ARVCF: variants seen among roughly 807,000 people sequenced by gnomAD.
ARVCF encodes the protein splicing regulator ARVCF.
Under a neutral mutation model 90.9 loss-of-function variants are expected in ARVCF, and 66 were observed. That is an observed-to-expected ratio of 0.73 (90% confidence interval 0.60 to 0.89). ARVCF has a LOEUF of 0.89. Among genes scored for constraint, ARVCF ranks in the 40% least tolerant of loss-of-function variants. The pLI is 0.00. For synonymous variants in ARVCF, 653 were observed against 603.4 expected (o/e 1.08, Z -1.21); for missense variants, 1,469 against 1,382.3 (o/e 1.06, Z -1.00).
chr22:19,983,916 G>A (rs1943631126), intron 3 of ARVCF, among the ~76,000 whole-genome samples: 5 of 152,248 alleles, frequency 3.3e-5, no homozygotes, highest in Admixed American at 3.3e-4. Context: ...CTGGGGAGCT[G>A]GGACTGCTCT....
At chr22:19,968,414 G>A (rs13306277), downstream of ARVCF, 3 of 957,924 alleles carry the variant, frequency 3.1e-6, no homozygotes, top group East Asian at 7.9e-5. Flanking sequence ...GTGGAAACCT[G>A]GCCCCAGGGG....
At position 19,972,724 on chromosome 22, in the gene ARVCF, C is replaced by T; in HGVS notation, c.2641+13G>A. ...GTCGCCACCCTCTAGGCTCCCTAAG[C>T]TCCACCACTCACCAAGGCTCTTGTC... On this transcript the variant is annotated intron_variant, in intron 16 of 19. Transcript: ENST00000263207. The T allele has an allele frequency of 1.2e-6, 2 of 1,601,032 alleles. No homozygotes were observed.
At chr22:20,016,551 C>A (rs954822684) in intron 1 of ARVCF, 38 bp downstream of exon 1, 4 of 151,740 alleles carry the variant, frequency 2.6e-5, no homozygotes, top group African/African-American at 9.7e-5. Flanking sequence ...GAGGCCCCAG[C>A]CCCGGGTCCC....
intron 2 of ARVCF, among the ~76,000 whole-genome samples, chr22:19,996,399 G>A (rs1033876067): frequency 6.6e-6 from 1 of 152,080 alleles, no homozygotes; most frequent in Non-Finnish European, 1.5e-5. Context: ...TGAGCGTTTT[G>A]ATGAAATGAC....
At chr22:19,987,839 A>C (rs1943876508) in intron 3 of ARVCF, among the ~76,000 whole-genome samples, 1 of 152,058 alleles carries the variant, frequency 6.6e-6, no homozygotes, top group Admixed American at 6.5e-5. Flanking sequence ...CCATCGAGGC[A>C]CAGAAGCCCC....
At position 20,008,584 on chromosome 22, in the gene ARVCF, C is replaced by A. The variant is rs570810940; in HGVS notation, c.-19+1871G>T. 2.6e-5 allele frequency among the ~76,000 whole-genome samples: 4 copies of A among 152,316 alleles called. No homozygotes were observed. The South Asian group carries it at 8.3e-4, about 32-fold the overall frequency. ...CAGCATGAGGCTGGGTGAGTGGGTG[C>A]TGAGTGTGGTGACACATGGGTGTTT... On this transcript the variant is annotated intron_variant, in intron 2 of 19. Transcript: ENST00000263207.
chr22:19,987,056 G>T (rs1278883829), intron 3 of ARVCF: 1 of 654,330 alleles, frequency 1.5e-6, no homozygotes. Context: ...GTCCCCCCAA[G>T]CCAACTTCCC....
At chr22:19,975,017 T>C (rs1020401709) in intron 11 of ARVCF, among the ~76,000 whole-genome samples, 2 of 152,136 alleles carry the variant, frequency 1.3e-5, no homozygotes, top group Admixed American at 6.6e-5. Context: ...CCCTCGCCAG[T>C]CCTCATGCCC....
At chr22:19,980,314 C>T (rs548581730) in intron 5 of ARVCF, 72 bp from the exon 6 acceptor site, 72 of 1,469,434 alleles carry the variant, frequency 4.9e-5, no homozygotes, top group Non-Finnish European at 6.3e-5. Context: ...TGCCCCATCA[C>T]ACCTTCTTCA....
chr22:19,977,297 T>C, intron 9 of ARVCF, 118 bp downstream of exon 9: 1 of 1,341,914 alleles, frequency 7.5e-7, no homozygotes, highest in South Asian at 1.9e-5. Flanking sequence ...GCCTGCCTGT[T>C]GGGGGCTGAC....
At chr22:19,978,147 G>A in intron 7 of ARVCF, 72 bp from the exon 8 acceptor site, 2 of 1,419,376 alleles carry the variant, frequency 1.4e-6, no homozygotes, top group South Asian at 1.3e-5. Context: ...GGCCTTGTGG[G>A]CTTGTCTTCA....
At position 19,980,109 on chromosome 22, in the gene ARVCF, G is replaced by A. The variant is rs1331490520; in HGVS notation, c.1030C>T (p.Pro344Ser). 3 of 1,586,158 alleles carry A rather than the reference G, an allele frequency of 1.9e-6. No individual in the cohort carries two copies. Among genetic ancestry groups the A allele is most frequent in the Non-Finnish European group, 2.6e-6 (3 of 1,169,800 alleles). ...TCCTTGCGGGCGCTATCCACTGAGGGCGAGCGCCGCACCAGCCGGTCCAGG... is the reference window on the plus strand; with the variant it reads ...TCCTTGCGGGCGCTATCCACTGAGGACGAGCGCCGCACCAGCCGGTCCAGG... ...GSLDRLVRRS[P>S]SVDSARKEPR... is the part of the protein sequence containing the mutation. Residue 344 changes from proline to serine, a missense_variant, in exon 6 of 20, where the codon CCC becomes TCC. By Grantham distance (74) the Pro-to-Ser change is moderately conservative. Transcript: ENST00000263207.
intron 10 of ARVCF, among the ~76,000 whole-genome samples, chr22:19,976,012 G>A (rs1195976698): frequency 1.3e-5 from 2 of 152,090 alleles, no homozygotes; most frequent in Non-Finnish European, 2.9e-5. Context: ...GGTGCTGGGA[G>A]CTGTACCACA....
At chr22:19,973,058 CAG>C in intron 14 of ARVCF, 22 bp from the exon 15 acceptor site, 2 of 1,608,882 alleles carry the variant, frequency 1.2e-6, no homozygotes, top group Non-Finnish European at 1.7e-6. Flanking sequence ...GGGGCGGGGT[CAG>C]TGGTGGCCCC....
intron 11 of ARVCF, among the ~76,000 whole-genome samples, 198 bp from the exon 12 acceptor site, chr22:19,974,437 C>T (rs1943033770): frequency 6.6e-6 from 1 of 152,160 alleles, no homozygotes; most frequent in Non-Finnish European, 1.5e-5. Flanking sequence ...GAGGAACAAA[C>T]TGAGGCTCAA....
chr22:19,984,585 C>T (rs1943665913), intron 3 of ARVCF, among the ~76,000 whole-genome samples: 1 of 152,188 alleles, frequency 6.6e-6, no homozygotes, highest in Non-Finnish European at 1.5e-5. Context: ...CATGCATATA[C>T]ATGACCCCTC....
At chr22:19,971,529 C>T (rs1569143854) in intron 18 of ARVCF, among the ~76,000 whole-genome samples, 194 bp from the exon 19 acceptor site, 1 of 152,206 alleles carries the variant, frequency 6.6e-6, no homozygotes, top group African/African-American at 2.4e-5. Flanking sequence ...TGCACACACA[C>T]AGGCCTGCAC....
intron 2 of ARVCF, among the ~76,000 whole-genome samples, chr22:19,991,744 T>A (rs1435742882): frequency 6.6e-6 from 1 of 152,198 alleles, no homozygotes; most frequent in African/African-American, 2.4e-5. Context: ...CTGCCCAGAA[T>A]GTTTGTTTTT....
intron 2 of ARVCF, among the ~76,000 whole-genome samples, chr22:20,007,400 T>G (rs921278577): frequency 3.3e-5 from 5 of 152,232 alleles, no homozygotes; most frequent in Non-Finnish European, 7.3e-5. Flanking sequence ...AGACTCCGTC[T>G]CAAAACAAAC....
Sources: gnomAD v4.1 joint callset for allele counts (sites outside exome capture counted in the v4.1 genomes callset) on GRCh38, gnomAD v4.1.1 for gene constraint, MANE v1.5 for transcripts, NCBI Gene and HGNC (gene_info 2026-07-23, HGNC 2026-07-21) for gene names.